Variants in CGNL1 observed in about 807,000 individuals in gnomAD.
CGNL1 encodes the protein cingulin like 1, also known as cingulin-like protein 1.
CGNL1 carries 132 observed loss-of-function variants against 141.2 expected under a neutral mutation model. That is an observed-to-expected ratio of 0.93 (90% CI 0.81 to 1.08). CGNL1 has a LOEUF of 1.08. CGNL1 is among the 50% of genes least tolerant of loss of function. CGNL1 has a pLI of 0.00. For synonymous variants in CGNL1, 690 were observed against 622.1 expected (o/e 1.11, Z -1.63); for missense variants, 1,870 against 1,588.6 (o/e 1.18, Z -3.01).
chr15:57,412,928 C>T (rs1157753544), intron 1 of CGNL1, among the ~76,000 whole-genome samples: 3 of 152,046 alleles, frequency 2.0e-5, no homozygotes, highest in African/African-American at 4.8e-5. Context: ...GGCGCGATCT[C>T]GGCTCACTGC....
At chr15:57,453,854 C>A (rs750602857) in intron 7 of CGNL1, 36 bp downstream of exon 7, 2 of 1,608,334 alleles carry the variant, frequency 1.2e-6, no homozygotes, top group Non-Finnish European at 1.7e-6. Context: ...ATAAGACAGG[C>A]CCCACCTGCC....
chr15:57,409,938 G>C (rs1240576981), intron 1 of CGNL1, among the ~76,000 whole-genome samples: 1 of 152,236 alleles, frequency 6.6e-6, no homozygotes, highest in Non-Finnish European at 1.5e-5. Flanking sequence ...GATGCCTCGT[G>C]TGAGGATCTC....
chr15:57,518,551 C>T, intron 10 of CGNL1, 54 bp downstream of exon 10: 1 of 1,209,040 alleles, frequency 8.3e-7, no homozygotes, highest in Non-Finnish European at 1.2e-6. Flanking sequence ...CATAGAGACG[C>T]AACACCAGAG....
chr15:57,526,252 C>A (rs1443426649), intron 12 of CGNL1, among the ~76,000 whole-genome samples: 1 of 152,106 alleles, frequency 6.6e-6, no homozygotes, highest in East Asian at 1.9e-4. Flanking sequence ...TGATGCAGCC[C>A]TGTGAGACAC....
chr15:57,480,265 C>G (rs1336293076), intron 8 of CGNL1, among the ~76,000 whole-genome samples: 6 of 151,760 alleles, frequency 4.0e-5, no homozygotes, highest in African/African-American at 1.4e-4. Flanking sequence ...CGCCTGTAAT[C>G]TTAGCACTTT....
At chr15:57,489,686 G>C (rs1447659849) in intron 8 of CGNL1, among the ~76,000 whole-genome samples, 1 of 152,138 alleles carries the variant, frequency 6.6e-6, no homozygotes, top group Non-Finnish European at 1.5e-5. Flanking sequence ...TCATTGAATT[G>C]TCTTAGCACT....
At chr15:57,486,694 G>T (rs1316216027) in intron 8 of CGNL1, among the ~76,000 whole-genome samples, 1 of 152,192 alleles carries the variant, frequency 6.6e-6, no homozygotes, top group Non-Finnish European at 1.5e-5. Flanking sequence ...GTCTTGGAGT[G>T]GTAAGTGGGA....
At chr15:57,422,725 A>C (rs1401611567) in intron 1 of CGNL1, among the ~76,000 whole-genome samples, 1 of 152,222 alleles carries the variant, frequency 6.6e-6, no homozygotes. Flanking sequence ...GTGAGATAGT[A>C]AGGCGAAGGT....
chr15:57,516,439 C>CT (rs1436103578), intron 8 of CGNL1, among the ~76,000 whole-genome samples: 1 of 152,166 alleles, frequency 6.6e-6, no homozygotes, highest in African/African-American at 2.4e-5. Flanking sequence ...GGTTGGCAAA[C>CT]TTTTTCTATG....
chr15:57,550,622 T>G lies in CGNL1; in HGVS notation c.*3132T>G, dbSNP rs909443689. ...TATGGTTTGGTCGCTTTGGTTGTCATGAGAAAGAGACATTCTCCTTGCAGC... is the reference window on the plus strand; with the variant it reads ...TATGGTTTGGTCGCTTTGGTTGTCAGGAGAAAGAGACATTCTCCTTGCAGC... On this transcript the variant is annotated 3_prime_UTR_variant, in exon 19 of 19. Transcript: ENST00000281282. 1 of 152,660 alleles carries G rather than the reference T, an allele frequency of 6.6e-6. No individual in the cohort carries two copies. Among genetic ancestry groups the G allele is most frequent in the Non-Finnish European group, 1.5e-5 (1 of 68,040 alleles). 9.5% of individuals were successfully genotyped at this position (152,660 alleles called of 1,614,324 possible).
chr15:57,543,020 A>G (rs2140240324), intron 14 of CGNL1, among the ~76,000 whole-genome samples: 1 of 152,348 alleles, frequency 6.6e-6, no homozygotes, highest in African/African-American at 2.4e-5. Context: ...ACAAAGTAAC[A>G]CAACCTGGGT....
At chr15:57,415,177 C>A (rs1396594536) in intron 1 of CGNL1, among the ~76,000 whole-genome samples, 1 of 152,180 alleles carries the variant, frequency 6.6e-6, no homozygotes, top group African/African-American at 2.4e-5. Flanking sequence ...GCTGACTCTT[C>A]CATCTGCATG....
chr15:57,498,349 A>C (rs2063974055), intron 8 of CGNL1, among the ~76,000 whole-genome samples: 1 of 137,356 alleles, frequency 7.3e-6, no homozygotes, highest in South Asian at 2.5e-4. Flanking sequence ...TCCCGGGCTC[A>C]AGCGATTCTC....
In CGNL1 at chr15:57,437,428, G is replaced by A. The variant is rs185907984; in HGVS notation, c.-15-557G>A. Among the ~76,000 whole-genome samples, 296 of 151,920 alleles carry A rather than the reference G, an allele frequency of 1.9e-3. 1 individual carries two copies. The highest frequency in any genetic ancestry group is 3.4e-3 in the Middle Eastern group (1 of 294). On this transcript the variant is annotated intron_variant, in intron 1 of 18. Transcript: ENST00000281282. Reference sequence around the variant, plus strand: ...GTTAAAGATTTTGCAGCAAGATTGTGGGTAAAAAAGGCTGAAAGTGTTTTG... The same window carrying A: ...GTTAAAGATTTTGCAGCAAGATTGTAGGTAAAAAAGGCTGAAAGTGTTTTG...
chr15:57,404,626 A>G (rs569985118), intron 1 of CGNL1, among the ~76,000 whole-genome samples: 2 of 152,166 alleles, frequency 1.3e-5, no homozygotes, highest in Admixed American at 6.5e-5. Context: ...GGCAACCTTT[A>G]TAAAAGGCCT....
intron 10 of CGNL1, among the ~76,000 whole-genome samples, chr15:57,520,807 A>G (rs1230519668): frequency 1.3e-5 from 2 of 152,216 alleles, no homozygotes; most frequent in Admixed American, 6.5e-5. Context: ...TGCAGCCCAC[A>G]GACACTGAGT....
chr15:57,431,103 T>C (rs1374719824), intron 1 of CGNL1, among the ~76,000 whole-genome samples: 1 of 152,198 alleles, frequency 6.6e-6, no homozygotes, highest in African/African-American at 2.4e-5. Context: ...GCTTTTCTTT[T>C]TTGCCATCTT....
Position 57,419,014 on chromosome 15 carries a change from G to A in CGNL1, c.-15-18971G>A, listed in dbSNP as rs563614309. On this transcript the variant is annotated intron_variant, in intron 1 of 18. Transcript: ENST00000281282. ...GCAATCTCGGCTCACTGCAACCTCC[G>A]CCTCCCGGATTCAAGCAATTCTCCT... Among the ~76,000 whole-genome samples the A allele has an allele frequency of 7.3e-5, 11 of 151,644 alleles. No homozygotes were observed. The East Asian group carries it at 1.2e-3, about 16-fold the overall frequency.
chr15:57,491,129 G>T (rs1425371818), intron 8 of CGNL1, among the ~76,000 whole-genome samples: 2 of 152,090 alleles, frequency 1.3e-5, no homozygotes, highest in African/African-American at 2.4e-5. Flanking sequence ...TATGGACTTT[G>T]GTTAATAATA....
Sources: gnomAD v4.1 joint callset for allele counts (sites outside exome capture counted in the v4.1 genomes callset) on GRCh38, gnomAD v4.1.1 for gene constraint, MANE v1.5 for transcripts, NCBI Gene and HGNC (gene_info 2026-07-23, HGNC 2026-07-21) for gene names.